Variants in SPRR2G observed in about 807,000 individuals in gnomAD.
The protein encoded by SPRR2G is small proline rich protein 2G, also known as small proline-rich protein 2G.
Under a neutral mutation model 0.7 loss-of-function variants are expected in SPRR2G, and 1 was observed. That is an observed-to-expected ratio of 1.49 (90% CI 0.53 to 7.06). SPRR2G has a LOEUF of 7.06. Ranked by LOEUF, SPRR2G falls within the 30% of genes most tolerant of loss-of-function variation. The pLI, the probability that SPRR2G is intolerant of heterozygous loss-of-function variation, is 0.14. For synonymous variants in SPRR2G, 38 were observed against 33.9 expected, an observed-to-expected ratio of 1.12 and a Z score of -0.42; for missense variants, 96 against 88.5, an observed-to-expected ratio of 1.09 and a Z score of -0.34.
chr1:153,202,007 CAA>C, the SPRR2G span, among the ~76,000 whole-genome samples: 1 of 152,166 alleles, frequency 6.6e-6, no homozygotes, highest in Non-Finnish European at 1.5e-5. Flanking sequence ...AACATTGTCC[CAA>C]AGAGTTAAAC....
chr1:153,165,902 C>G, the SPRR2G span, among the ~76,000 whole-genome samples: 1 of 152,170 alleles, frequency 6.6e-6, no homozygotes, highest in Non-Finnish European at 1.5e-5. Flanking sequence ...CATGGCCCCA[C>G]CAATAGCAGT....
chr1:153,201,957 C>T, the SPRR2G span, among the ~76,000 whole-genome samples: 1 of 152,208 alleles, frequency 6.6e-6, no homozygotes, highest in African/African-American at 2.4e-5. Flanking sequence ...GTTTCCTCAG[C>T]TCTCATTAAA....
At chr1:153,172,107 A>G in the SPRR2G span, among the ~76,000 whole-genome samples, 1 of 152,280 alleles carries the variant, frequency 6.6e-6, no homozygotes, top group South Asian at 2.1e-4. Context: ...GACAAGTGAC[A>G]GTCAAGCCAT....
chr1:153,194,443 T>C, the SPRR2G span, among the ~76,000 whole-genome samples: 1 of 152,228 alleles, frequency 6.6e-6, no homozygotes, highest in Non-Finnish European at 1.5e-5. Context: ...TAGGAAGTGC[T>C]GCTACTGGCC....
At chr1:153,162,683 T>A in the SPRR2G span, among the ~76,000 whole-genome samples, 6,738 of 152,210 alleles carry the variant, frequency 0.044, 401 homozygotes, top group African/African-American at 0.12. Flanking sequence ...ACTGGGAACC[T>A]CAAACTCCAT....
At chr1:153,188,721 T>C in the SPRR2G span, among the ~76,000 whole-genome samples, 1 of 152,002 alleles carries the variant, frequency 6.6e-6, no homozygotes, top group Non-Finnish European at 1.5e-5. Flanking sequence ...CACTGGTGTA[T>C]GAAAAAAAAC....
the SPRR2G span, among the ~76,000 whole-genome samples, chr1:153,187,556 A>G: frequency 3.0e-3 from 461 of 152,044 alleles, 2 homozygotes; most frequent in African/African-American, 9.9e-3. Context: ...CCATCAGGTC[A>G]TTTATCTTCT....
At chr1:153,183,221 G>A in the SPRR2G span, among the ~76,000 whole-genome samples, 1 of 138,202 alleles carries the variant, frequency 7.2e-6, no homozygotes, top group Admixed American at 7.1e-5. Context: ...CCAAGTAGCT[G>A]GGATTACAGG....
chr1:153,160,645 A>G, the SPRR2G span, among the ~76,000 whole-genome samples: 4 of 152,120 alleles, frequency 2.6e-5, no homozygotes, highest in Non-Finnish European at 5.9e-5. Context: ...TGTTGGTGGG[A>G]CTGTAAACTA....
intron 1 of SPRR2G, among the ~76,000 whole-genome samples, chr1:153,150,619 A>G (rs1656447255): frequency 6.6e-6 from 1 of 152,214 alleles, no homozygotes; most frequent in Non-Finnish European, 1.5e-5. Context: ...ACAGAACAGC[A>G]TCTTGTGTCT....
At chr1:153,163,835 T>G in the SPRR2G span, among the ~76,000 whole-genome samples, 3 of 152,236 alleles carry the variant, frequency 2.0e-5, no homozygotes, top group East Asian at 3.9e-4. Context: ...TTGAGCACAG[T>G]GTATCCAAAA....
At chr1:153,192,465 CAAG>C in the SPRR2G span, among the ~76,000 whole-genome samples, 12 of 152,206 alleles carry the variant, frequency 7.9e-5, no homozygotes, top group East Asian at 2.3e-3. Context: ...TAAAAAATTT[CAAG>C]AACAATCAAG....
At chr1:153,178,101 G>A in the SPRR2G span, among the ~76,000 whole-genome samples, 1 of 151,964 alleles carries the variant, frequency 6.6e-6, no homozygotes, top group Non-Finnish European at 1.5e-5. Context: ...CTGTCATAAA[G>A]TTATTTCTAA....
the SPRR2G span, among the ~76,000 whole-genome samples, chr1:153,157,449 A>G: frequency 1.3e-5 from 2 of 152,188 alleles, no homozygotes; most frequent in African/African-American, 2.4e-5. Context: ...GATGGGTCCA[A>G]GGGAGATTAT....
At chr1:153,181,863 G>T in the SPRR2G span, among the ~76,000 whole-genome samples, 1 of 151,898 alleles carries the variant, frequency 6.6e-6, no homozygotes, top group African/African-American at 2.4e-5. Flanking sequence ...TTGCTATTGT[G>T]ATAGTGCTGC....
chr1:153,161,155 C>G, the SPRR2G span, among the ~76,000 whole-genome samples: 1 of 151,852 alleles, frequency 6.6e-6, no homozygotes, highest in Admixed American at 6.6e-5. Flanking sequence ...TAATGGGTGC[C>G]GCACACCAAC....
chr1:153,187,605 C>T, the SPRR2G span, among the ~76,000 whole-genome samples: 7 of 152,012 alleles, frequency 4.6e-5, no homozygotes, highest in Non-Finnish European at 1.0e-4. Context: ...TTCCTGTAGC[C>T]TTTTATCAAG....
chr1:153,153,977 G>A (rs115774490), upstream of SPRR2G, among the ~76,000 whole-genome samples: 2,401 of 152,124 alleles, frequency 0.016, 65 homozygotes, highest in African/African-American at 0.055. Flanking sequence ...CCTTTATTAT[G>A]TTGAGATACA....
At chr1:153,160,805 G>A in the SPRR2G span, among the ~76,000 whole-genome samples, 71,868 of 149,828 alleles carry the variant, frequency 0.48, 18,717 homozygotes, top group Non-Finnish European at 0.57. Flanking sequence ...TGTTTATTGT[G>A]GCACTATTCA....
Sources: gnomAD v4.1 joint callset for allele counts (sites outside exome capture counted in the v4.1 genomes callset) on GRCh38, gnomAD v4.1.1 for gene constraint, MANE v1.5 for transcripts, NCBI Gene and HGNC (gene_info 2026-07-23, HGNC 2026-07-21) for gene names.